Variants in MARCHF10 observed in about 807,000 individuals in gnomAD.
MARCHF10 encodes probable E3 ubiquitin-protein ligase MARCHF10.
In MARCHF10, 64 loss-of-function variants were observed where a neutral mutation model predicts 76.2. That is an observed-to-expected ratio of 0.84 (90% CI 0.69 to 1.03). MARCHF10 has a LOEUF of 1.03. Among genes scored for constraint, MARCHF10 ranks in the 50% least tolerant of loss-of-function variants. The pLI is 0.00. For missense variants in MARCHF10, 875 were observed against 958.0 expected, an observed-to-expected ratio of 0.91 and a Z score of 1.14; for synonymous variants, 340 against 357.5, an observed-to-expected ratio of 0.95 and a Z score of 0.55.
chr17:62,715,345 A>C (rs2090140494), intron 8 of MARCHF10, among the ~76,000 whole-genome samples: 1 of 152,210 alleles, frequency 6.6e-6, no homozygotes, highest in Non-Finnish European at 1.5e-5. Context: ...CACCACGCCC[A>C]ATGGCAGGAT....
At chr17:62,752,433 C>CTGTT (rs1172417257) in intron 4 of MARCHF10, among the ~76,000 whole-genome samples, 1 of 152,194 alleles carries the variant, frequency 6.6e-6, no homozygotes, top group Non-Finnish European at 1.5e-5. Context: ...AGCTCAAAGG[C>CTGTT]AACACCGCAA....
intron 8 of MARCHF10, among the ~76,000 whole-genome samples, chr17:62,715,193 G>A (rs948239542): frequency 6.6e-6 from 1 of 152,230 alleles, no homozygotes; most frequent in African/African-American, 2.4e-5. Flanking sequence ...TCTAAACTAA[G>A]GGTGAGCACG....
chr17:62,723,559 C>CTGTTTTTTTTTTTTTTTTTTTTTTTTTT (rs2090599016), intron 7 of MARCHF10, among the ~76,000 whole-genome samples: 1 of 80,370 alleles, frequency 1.2e-5, no homozygotes, highest in African/African-American at 5.4e-5. Flanking sequence ...GTTCGCTTGA[C>CTGTTTTTTTTTTTTTTTTTTTTTTTTTT]TTTTTTTTTT....
chr17:62,786,675 G>A lies in MARCHF10; in HGVS notation c.210+1805C>T, dbSNP rs2148110068. Among the ~76,000 whole-genome samples the A allele has an allele frequency of 2.6e-5, 4 of 152,266 alleles. No homozygotes were observed. In the South Asian group the frequency reaches 8.3e-4, roughly 32 times the overall value. On this transcript the variant is annotated intron_variant, in intron 3 of 10. Coordinates refer to ENST00000311269, the MANE Select transcript of MARCHF10 (RefSeq NM_152598.4). Reference sequence around the variant, plus strand: ...TTTTCAGAAGTGGTCTGAGTGTTTTGCAGTGATGGTTTAAAGAATGCATAA... The same window carrying A: ...TTTTCAGAAGTGGTCTGAGTGTTTTACAGTGATGGTTTAAAGAATGCATAA...
At position 62,753,152 on chromosome 17, in the gene MARCHF10, T is replaced by G. The variant is rs1381413109; in HGVS notation, c.382+6683A>C. On this transcript the variant is annotated intron_variant, in intron 4 of 10. Coordinates refer to ENST00000311269, the MANE Select transcript of MARCHF10 (RefSeq NM_152598.4). ...CCTTGCTCTGTCGCCCAGGCTGGAG[T>G]GTGGAGTGCAGTCACGTGATCTCAG... Among the ~76,000 whole-genome samples the G allele has an allele frequency of 2.2e-4, 33 of 152,154 alleles. 1 individual carries two copies. In the East Asian group the frequency reaches 6.4e-3, roughly 29 times the overall value.
At chr17:62,801,605 G>T in intron 2 of MARCHF10, 41 bp downstream of exon 2, 1 of 1,510,812 alleles carries the variant, frequency 6.6e-7, no homozygotes, top group Non-Finnish European at 9.2e-7. Context: ...TCTAAATACT[G>T]CAAGAGAAGG....
chr17:62,757,773 T>A (rs1049778866), intron 4 of MARCHF10, among the ~76,000 whole-genome samples: 1 of 152,260 alleles, frequency 6.6e-6, no homozygotes, highest in African/African-American at 2.4e-5. Flanking sequence ...TTACTACAAG[T>A]AACATCCCTC....
intron 2 of MARCHF10, among the ~76,000 whole-genome samples, chr17:62,789,395 C>A (rs2092804398): frequency 1.3e-5 from 2 of 152,212 alleles, no homozygotes; most frequent in South Asian, 4.1e-4. Context: ...ACCGACTGAT[C>A]TACTAAAAAG....
At chr17:62,717,370 A>T (rs35249620) in intron 8 of MARCHF10, among the ~76,000 whole-genome samples, 6,683 of 152,334 alleles carry the variant, frequency 0.044, 164 homozygotes, top group Middle Eastern at 0.071. Context: ...AAAGGCTCTG[A>T]TGGCTTGTGA....
chr17:62,712,165 G>T lies in MARCHF10; in HGVS notation c.2215-821C>A, dbSNP rs1044256274. 6.6e-5 allele frequency among the ~76,000 whole-genome samples: 10 copies of T among 152,148 alleles called. No homozygotes were observed. Among genetic ancestry groups the T allele is most frequent in the Non-Finnish European group, 1.2e-4 (8 of 68,018 alleles). On this transcript the variant is annotated intron_variant, in intron 8 of 10. Transcript: ENST00000311269. The surrounding 1 kb of genome is among the most constrained non-coding windows in gnomAD (Gnocchi z 4.2). ...CCCTCTATAGGGGAAGGAGGGGAAG[G>T]CCCTTTCAGTCCCCATCTTTCCCTT... is the stretch of plus-strand genomic sequence containing the variant.
At chr17:62,706,364 C>T (rs1467933627) in intron 9 of MARCHF10, 1 of 152,186 alleles carries the variant, frequency 6.6e-6, no homozygotes, top group Non-Finnish European at 1.5e-5. Flanking sequence ...CCACTGCCTC[C>T]GTTTTCTCTG....
chr17:62,723,769 GCAGAGT>G (rs887923557), intron 7 of MARCHF10, among the ~76,000 whole-genome samples: 34 of 152,104 alleles, frequency 2.2e-4, no homozygotes, highest in Middle Eastern at 3.4e-3. Flanking sequence ...GGATTGCATG[GCAGAGT>G]CGTTAGCAAC....
intron 6 of MARCHF10, among the ~76,000 whole-genome samples, chr17:62,732,638 A>G (rs2091073639): frequency 1.3e-5 from 2 of 152,248 alleles, no homozygotes; most frequent in South Asian, 2.1e-4. Flanking sequence ...GAAGAATAGC[A>G]TAACGATATC....
intron 3 of MARCHF10, among the ~76,000 whole-genome samples, chr17:62,765,408 A>G (rs2147979644): frequency 6.7e-6 from 1 of 149,666 alleles, no homozygotes; most frequent in African/African-American, 2.5e-5. Flanking sequence ...GGGCTGCCAG[A>G]TTGCCTAAAT....
intron 1 of MARCHF10, among the ~76,000 whole-genome samples, chr17:62,805,908 TAA>T (rs55879760): frequency 1.6e-5 from 2 of 125,460 alleles, no homozygotes; most frequent in East Asian, 2.1e-4. Flanking sequence ...CCCTCAAAAA[TAA>T]AAAAAAATAA....
intron 5 of MARCHF10, 189 bp from the exon 6 acceptor site, chr17:62,737,521 T>G: frequency 1.7e-6 from 1 of 604,692 alleles, no homozygotes. Flanking sequence ...TGCCCCGTAT[T>G]CTCCTTTGTA....
chr17:62,745,329 C>CCTGA (rs1184947967), intron 4 of MARCHF10, among the ~76,000 whole-genome samples: 1 of 151,996 alleles, frequency 6.6e-6, no homozygotes, highest in African/African-American at 2.4e-5. Context: ...GTCTCAAAGT[C>CCTGA]CTGACCTCAA....
intron 3 of MARCHF10, among the ~76,000 whole-genome samples, chr17:62,777,805 G>A (rs144832748): frequency 6.6e-6 from 1 of 151,868 alleles, no homozygotes; most frequent in East Asian, 1.9e-4. Context: ...ACTGCCTATG[G>A]GGTAGTCCTA....
In MARCHF10 at chr17:62,788,480, C is replaced by T. The variant is rs138675092; in HGVS notation, c.210G>A (p.Gln70=). Residue 70 remains glutamine (Q), a splice_region_variant and synonymous_variant, in exon 3 of 11, where the codon CAG becomes CAA. Coordinates refer to ENST00000311269, the MANE Select transcript of MARCHF10 (RefSeq NM_152598.4). ...SRFSSRSSSK[Q]SSSEEDALTE... is the part of the protein sequence containing the mutation. Reference sequence around the variant, plus strand: ...GACTGTCTCCCAGAATTCTTCATACCTGTTTGGAAGATGACCTGCTAGAAA... The same window carrying T: ...GACTGTCTCCCAGAATTCTTCATACTTGTTTGGAAGATGACCTGCTAGAAA... 3 of 1,613,980 alleles carry T rather than the reference C, an allele frequency of 1.9e-6. No homozygotes were observed. Among genetic ancestry groups the T allele is most frequent in the African/African-American group, 2.7e-5 (2 of 74,920 alleles).
Sources: allele counts gnomAD v4.1 joint callset (sites outside exome capture counted in the v4.1 genomes callset), GRCh38; gene constraint gnomAD v4.1.1; non-coding constraint Gnocchi (gnomAD v3.1); transcripts MANE v1.5; gene names NCBI Gene and HGNC (gene_info 2026-07-23, HGNC 2026-07-21).